The following PCDH15 variants were observed in gnomAD, a reference collection of about 807,000 sequenced individuals.
The protein encoded by PCDH15 is protocadherin related 15, also known as protocadherin-15.
Under a neutral mutation model 178.5 loss-of-function variants are expected in PCDH15, and 129 were observed. The ratio of observed to expected loss-of-function variants is 0.72; its 90% CI spans 0.63 to 0.84. PCDH15 has a LOEUF of 0.84. Ranked by LOEUF, PCDH15 falls within the 40% of genes least tolerant of loss-of-function variation. PCDH15 has a pLI of 0.00. For missense variants in PCDH15, 2,230 were observed against 2,099.9 expected, an observed-to-expected ratio of 1.06 and a Z score of -1.21; for synonymous variants, 800 against 732.0, an observed-to-expected ratio of 1.09 and a Z score of -1.50.
intron 1 of PCDH15, among the ~76,000 whole-genome samples, chr10:55,275,136 CTGA>C (rs1399061086): frequency 1.3e-5 from 2 of 151,912 alleles, no homozygotes; most frequent in African/African-American, 4.8e-5. Context: ...CATAAAATGC[CTGA>C]TAATATATTT....
At chr10:54,594,383 C>T (rs2092079560) in intron 2 of PCDH15, among the ~76,000 whole-genome samples, 1 of 152,072 alleles carries the variant, frequency 6.6e-6, no homozygotes, top group Non-Finnish European at 1.5e-5. Flanking sequence ...GCAGTCTTGC[C>T]CATGAGATGA....
intron 2 of PCDH15, among the ~76,000 whole-genome samples, chr10:55,365,486 T>G (rs1269806766): frequency 1.3e-5 from 2 of 152,254 alleles, no homozygotes; most frequent in South Asian, 4.1e-4. Context: ...ATCTTTCAGA[T>G]AATGGCAACC....
chr10:54,523,802 A>G (rs2083114599), intron 3 of PCDH15, among the ~76,000 whole-genome samples: 1 of 152,186 alleles, frequency 6.6e-6, no homozygotes, highest in African/African-American at 2.4e-5. Context: ...TCACAGTCCA[A>G]TTGTCTCAGC....
At chr10:54,328,804 A>G (rs917702386) in intron 7 of PCDH15, among the ~76,000 whole-genome samples, 1 of 151,562 alleles carries the variant, frequency 6.6e-6, no homozygotes, top group Non-Finnish European at 1.5e-5. Flanking sequence ...AGAGGGAAGT[A>G]TAAGGATGGA....
At chr10:55,381,394 G>T (rs550993781) in intron 2 of PCDH15, among the ~76,000 whole-genome samples, 123 of 152,212 alleles carry the variant, frequency 8.1e-4, no homozygotes, top group African/African-American at 2.2e-3. Flanking sequence ...CAGCACCTTT[G>T]ATTTCCTCTC....
chr10:54,247,956 AT>A lies in PCDH15; in HGVS notation c.877-11026del, dbSNP rs1339959753. On this transcript the variant is annotated intron_variant, in intron 8 of 37. Coordinates refer to ENST00000644397, the MANE Select transcript of PCDH15 (RefSeq NM_001384140.1). The stretch of plus-strand genomic sequence containing the variant: ...AAAGAATATATATATATATATATAT[AT>A]ATACACATACAGTAAATGACATTCT... 2.5e-3 allele frequency among the ~76,000 whole-genome samples: 353 copies of A among 143,168 alleles called. 2 individuals carry two copies. The highest frequency in any genetic ancestry group is 9.6e-3 in the African/African-American group (343 of 35,806). 93.9% of individuals were successfully genotyped at this position (143,168 alleles called of 152,430 possible). A position where few individuals can be genotyped will look rare whatever the true frequency, so the allele number is the denominator to read the frequency against.
At chr10:55,013,461 C>T (rs554304553) in intron 2 of PCDH15, among the ~76,000 whole-genome samples, 3 of 132,976 alleles carry the variant, frequency 2.3e-5, no homozygotes, top group African/African-American at 8.5e-5. Context: ...TGTGTTTCCA[C>T]CACTCAGACC....
intron 2 of PCDH15, among the ~76,000 whole-genome samples, chr10:54,995,096 G>A (rs1174988085): frequency 6.6e-6 from 1 of 152,060 alleles, no homozygotes; most frequent in Non-Finnish European, 1.5e-5. Flanking sequence ...ATTAGTTTAG[G>A]CCGGGCACGG....
chr10:54,935,160 A>G (rs1670816), intron 2 of PCDH15, among the ~76,000 whole-genome samples: 20,265 of 151,794 alleles, frequency 0.13, 1,544 homozygotes, highest in East Asian at 0.23. Flanking sequence ...CAGCACACCA[A>G]CATGGCACAT....
intron 1 of PCDH15, among the ~76,000 whole-genome samples, chr10:55,225,495 A>G (rs187313286): frequency 2.0e-4 from 31 of 152,224 alleles, no homozygotes; most frequent in Admixed American, 1.7e-3. Flanking sequence ...AACAAAAACC[A>G]TGACATTTTG....
intron 2 of PCDH15, among the ~76,000 whole-genome samples, chr10:55,531,695 G>A (rs751518210): frequency 3.3e-5 from 5 of 151,966 alleles, no homozygotes; most frequent in Non-Finnish European, 5.9e-5. Context: ...TGTTTCTGGC[G>A]AGTAATTGAA....
At position 53,827,437 on chromosome 10, in the gene PCDH15, AGGCGGC is replaced by A. The variant is rs559130985; in HGVS notation, c.4317_4322del (p.Pro1442_Pro1443del). The stretch of plus-strand genomic sequence containing the variant: ...CTTCATAGAGATGCGCACCTGGCGG[AGGCGGC>A]GGCGGCGGCGGGGGCGCTGCCACTG... On this transcript the variant is annotated inframe_deletion, in exon 32 of 38. Coordinates refer to ENST00000644397, the MANE Select transcript of PCDH15 (RefSeq NM_001384140.1). 51 of 1,612,684 alleles carry A rather than the reference AGGCGGC, an allele frequency of 3.2e-5. No homozygotes were observed. Among genetic ancestry groups the A allele is most frequent in the Admixed American group, 2.0e-4 (12 of 59,842 alleles).
intron 1 of PCDH15, among the ~76,000 whole-genome samples, chr10:55,303,632 G>GAA (rs1843345745): frequency 6.6e-6 from 1 of 152,042 alleles, no homozygotes; most frequent in Non-Finnish European, 1.5e-5. Context: ...GTGAATTTTG[G>GAA]TAGTTGGTGT....
intron 2 of PCDH15, among the ~76,000 whole-genome samples, chr10:55,145,505 G>A (rs374577405): frequency 8.6e-5 from 13 of 151,886 alleles, no homozygotes; most frequent in African/African-American, 3.1e-4. Context: ...CTTTGATTGT[G>A]ATATAACTTA....
chr10:54,288,125 C>A, intron 8 of PCDH15, among the ~76,000 whole-genome samples: 1 of 151,980 alleles, frequency 6.6e-6, no homozygotes, highest in Non-Finnish European at 1.5e-5. Flanking sequence ...AGTTCAACAC[C>A]AACCTGGCCA....
At chr10:54,777,853 AAG>A (rs1326462528) in intron 1 of PCDH15, among the ~76,000 whole-genome samples, 1 of 152,212 alleles carries the variant, frequency 6.6e-6, no homozygotes, top group Non-Finnish European at 1.5e-5. Flanking sequence ...AGGGCCTCTT[AAG>A]AGTTTTCCAA....
intron 3 of PCDH15, among the ~76,000 whole-genome samples, chr10:54,869,385 A>C (rs1430279844): frequency 6.6e-6 from 1 of 152,210 alleles, no homozygotes; most frequent in Non-Finnish European, 1.5e-5. Flanking sequence ...TAAGGGAATA[A>C]ATTTCTGTAG....
intron 3 of PCDH15, among the ~76,000 whole-genome samples, chr10:54,505,048 G>T (rs2081049752): frequency 6.6e-6 from 1 of 152,130 alleles, no homozygotes; most frequent in South Asian, 2.1e-4. Flanking sequence ...GCAATAAAAA[G>T]AATCACTTTG....
At chr10:55,543,489 A>T (rs973836904) in intron 2 of PCDH15, among the ~76,000 whole-genome samples, 1 of 151,362 alleles carries the variant, frequency 6.6e-6, no homozygotes, top group African/African-American at 2.4e-5. Context: ...AATCTACTTA[A>T]TATGTCAGGA....
Sources: allele counts gnomAD v4.1 joint callset (sites outside exome capture counted in the v4.1 genomes callset), GRCh38; gene constraint gnomAD v4.1.1; transcripts MANE v1.5; gene names NCBI Gene and HGNC (gene_info 2026-07-23, HGNC 2026-07-21).